Variants in ZFYVE28 observed in about 807,000 individuals in gnomAD.
ZFYVE28 encodes lateral signaling target protein 2 homolog.
ZFYVE28 carries 40 observed loss-of-function variants against 82.1 expected under a neutral mutation model. The ratio of observed to expected loss-of-function variants is 0.49; its 90% CI spans 0.38 to 0.63. ZFYVE28 has a LOEUF of 0.63. ZFYVE28 is among the 30% of genes least tolerant of loss of function. The probability of loss-of-function intolerance (pLI) is 0.00; values close to 1 mark genes in which losing one functional copy is unlikely to be tolerated. For synonymous variants in ZFYVE28, 612 were observed against 546.1 expected (o/e 1.12, Z -1.68); for missense variants, 1,321 against 1,242.1 (o/e 1.06, Z -0.96).
chr4:2,329,062 T>A (rs1016687376), intron 6 of ZFYVE28: 11 of 693,730 alleles, frequency 1.6e-5, no homozygotes, highest in Admixed American at 4.1e-5. Flanking sequence ...TCTTCCAATT[T>A]TGTTTTTGTT....
intron 8 of ZFYVE28, 146 bp downstream of exon 8, chr4:2,304,143 C>G (rs965649985): frequency 9.4e-7 from 1 of 1,067,588 alleles, no homozygotes; most frequent in African/African-American, 1.6e-5. Flanking sequence ...TCCTCACACA[C>G]AGACCCCACA....
At chr4:2,402,334 G>A (rs912025484) in intron 1 of ZFYVE28, among the ~76,000 whole-genome samples, 25 of 152,238 alleles carry the variant, frequency 1.6e-4, no homozygotes, top group African/African-American at 5.5e-4. Flanking sequence ...AGCCGGCACC[G>A]CCCCCGCCAT....
At chr4:2,331,084 C>A (rs1455727715) in intron 6 of ZFYVE28, 1 of 291,624 alleles carries the variant, frequency 3.4e-6, no homozygotes, top group Non-Finnish European at 5.7e-6. Flanking sequence ...CTGGGATGGG[C>A]TGGAAGGAGG....
At chr4:2,297,040 C>G (rs909212066) in intron 8 of ZFYVE28, among the ~76,000 whole-genome samples, 1 of 152,228 alleles carries the variant, frequency 6.6e-6, no homozygotes, top group African/African-American at 2.4e-5. Context: ...AGGCCCCACC[C>G]AGGGAAGGGG....
intron 8 of ZFYVE28, among the ~76,000 whole-genome samples, chr4:2,303,174 T>C (rs1024891957): frequency 2.6e-5 from 4 of 151,678 alleles, no homozygotes; most frequent in African/African-American, 9.7e-5. Context: ...GAGTCCTGAG[T>C]GGGCAGCGGA....
chr4:2,330,737 G>A, intron 6 of ZFYVE28: 1 of 1,474,838 alleles, frequency 6.8e-7, no homozygotes, highest in South Asian at 1.4e-5. Context: ...TCATGGAAAA[G>A]GGGACAGTGC....
chr4:2,335,901 G>C lies in ZFYVE28; in HGVS notation c.612-107C>G, dbSNP rs754586481. On this transcript the variant is annotated intron_variant, in intron 5 of 12. Transcript: ENST00000290974. This position sits in a 1 kb window ranked among gnomAD's most constrained non-coding sequence, Gnocchi z 5.8. The stretch of plus-strand genomic sequence containing the variant: ...GCGCTCAATCTGTACCTGCAGCCAC[G>C]CGTGGTGGCCACGTCAAGAGGTGAC... The C allele has an allele frequency of 1.1e-6, 1 of 887,294 alleles. No individual in the cohort carries two copies. The highest frequency in any genetic ancestry group is 1.8e-6 in the Non-Finnish European group (1 of 557,338). 55.0% of individuals were successfully genotyped at this position (887,294 alleles called of 1,614,324 possible).
chr4:2,270,970 C>G, intron 12 of ZFYVE28, 114 bp from the exon 13 acceptor site: 1 of 1,457,946 alleles, frequency 6.9e-7, no homozygotes, highest in South Asian at 1.3e-5. Flanking sequence ...TGGGTGGGGA[C>G]TGCCCAGCCC....
At chr4:2,363,598 G>A (rs1302024067) in intron 1 of ZFYVE28, among the ~76,000 whole-genome samples, 1 of 152,208 alleles carries the variant, frequency 6.6e-6, no homozygotes, top group Non-Finnish European at 1.5e-5. Context: ...ACTGGGGACT[G>A]GCTCTGTCCC....
At chr4:2,325,309 T>C (rs1381808828) in intron 6 of ZFYVE28, among the ~76,000 whole-genome samples, 2 of 152,234 alleles carry the variant, frequency 1.3e-5, no homozygotes, top group Non-Finnish European at 2.9e-5. Context: ...ACAGACTAAA[T>C]GGCCTTGCTC....
Position 2,304,954 on chromosome 4 carries a change from ATTG to A in ZFYVE28, c.1383_1385del (p.Asn462del), listed in dbSNP as rs1208306626. 1.2e-6 allele frequency: 2 copies of A among 1,612,400 alleles called. No individual in the cohort carries two copies. Among genetic ancestry groups the A allele is most frequent in the East Asian group, 2.2e-5 (1 of 44,836 alleles). On this transcript the variant is annotated inframe_deletion, in exon 8 of 13. Transcript: ENST00000290974. Reference sequence around the variant, plus strand: ...CCCCATCTGTGCCCTCGGCCTCGAGATTGTTGTTGCTCAAGTCCTCCTCCTTTT... The same window carrying A: ...CCCCATCTGTGCCCTCGGCCTCGAGATTGTTGCTCAAGTCCTCCTCCTTTT...
rs1725325075 is a variant in ZFYVE28, at chr4:2,356,404, C to T, written c.40-2331G>A. ...CAGAGCAAGACAGACCCAGACCCCG[C>T]CCCCCCGGCAGTTGGTGTGCCCGCC... is the stretch of plus-strand genomic sequence containing the variant. On this transcript the variant is annotated intron_variant, in intron 1 of 12. Transcript: ENST00000290974. 2.1e-5 allele frequency among the ~76,000 whole-genome samples: 3 copies of T among 145,956 alleles called. No individual in the cohort carries two copies. In the South Asian group the frequency reaches 6.5e-4, roughly 32 times the overall value.
intron 1 of ZFYVE28, among the ~76,000 whole-genome samples, chr4:2,355,328 C>T (rs1213761978): frequency 7.7e-6 from 1 of 130,080 alleles, no homozygotes; most frequent in East Asian, 2.2e-4. Flanking sequence ...GTCGCCCAGG[C>T]TGGAGTGCAG....
chr4:2,312,918 G>A (rs1364890457), intron 7 of ZFYVE28, among the ~76,000 whole-genome samples: 6 of 151,964 alleles, frequency 3.9e-5, no homozygotes, highest in Non-Finnish European at 7.4e-5. Context: ...GGAGGCGCAT[G>A]CCTATGGTTC....
rs1728780828 is a variant in ZFYVE28, at chr4:2,382,073, A to G, written c.40-28000T>C. Among the ~76,000 whole-genome samples, 3 of 152,284 alleles carry G rather than the reference A, an allele frequency of 2.0e-5. No individual in the cohort carries two copies. In the South Asian group the frequency reaches 6.2e-4, roughly 31 times the overall value. On this transcript the variant is annotated intron_variant, in intron 1 of 12. Coordinates refer to ENST00000290974, the MANE Select transcript of ZFYVE28 (RefSeq NM_020972.3). ...CATGGTGTTGAGCCTGCGAGTGCACAGAAGTCAACAATGAGGGTTTGGGAA... is the reference window on the plus strand; with the variant it reads ...CATGGTGTTGAGCCTGCGAGTGCACGGAAGTCAACAATGAGGGTTTGGGAA...
intron 8 of ZFYVE28, among the ~76,000 whole-genome samples, chr4:2,278,821 C>G (rs115767199): frequency 2.4e-4 from 36 of 150,268 alleles, no homozygotes; most frequent in Non-Finnish European, 5.0e-4. Context: ...AGAAGATATA[C>G]AAATGGCTAA....
At chr4:2,364,823 T>C in intron 1 of ZFYVE28, 1 of 985,526 alleles carries the variant, frequency 1.0e-6, no homozygotes, top group Non-Finnish European at 1.2e-6. Context: ...GCGGGGGCTG[T>C]GTTCCGCGAT....
intron 1 of ZFYVE28, among the ~76,000 whole-genome samples, chr4:2,412,249 G>C (rs894700380): frequency 6.6e-6 from 1 of 152,178 alleles, no homozygotes; most frequent in African/African-American, 2.4e-5. Context: ...GGAACTGGAA[G>C]CTGTGATGGC....
At chr4:2,356,731 G>A (rs1320470746) in intron 1 of ZFYVE28, among the ~76,000 whole-genome samples, 1 of 152,236 alleles carries the variant, frequency 6.6e-6, no homozygotes, top group Non-Finnish European at 1.5e-5. Flanking sequence ...TGCGTGGAAG[G>A]AGAGGAGGGG....
Sources: gnomAD v4.1 joint callset for allele counts (sites outside exome capture counted in the v4.1 genomes callset) on GRCh38, gnomAD v4.1.1 for gene constraint, Gnocchi (gnomAD v3.1) non-coding constraint, MANE v1.5 for transcripts, NCBI Gene and HGNC (gene_info 2026-07-23, HGNC 2026-07-21) for gene names.